ZFHX3: variants seen among roughly 807,000 people sequenced by gnomAD.
The protein encoded by ZFHX3 is zinc finger homeobox 3, also known as zinc finger homeobox protein 3.
ZFHX3 carries 42 observed loss-of-function variants against 279.1 expected under a neutral mutation model. That is an observed-to-expected ratio of 0.15 (90% confidence interval 0.12 to 0.19). The LOEUF (loss-of-function observed/expected upper bound fraction) is 0.19, where lower values mean the gene tolerates loss of function less well. Ranked by LOEUF, ZFHX3 falls within the 10% of genes least tolerant of loss-of-function variation. ZFHX3 has a pLI of 1.00. For synonymous variants in ZFHX3, 2,293 were observed against 1,957.8 expected, an observed-to-expected ratio of 1.17 and a Z score of -4.52; for missense variants, 4,981 against 4,754.0, an observed-to-expected ratio of 1.05 and a Z score of -1.40.
chr16:73,393,762 G>T (rs574819061), intron 3 of ZFHX3, among the ~76,000 whole-genome samples: 2 of 151,876 alleles, frequency 1.3e-5, no homozygotes, highest in African/African-American at 2.4e-5. Context: ...GTGGGTAAAA[G>T]CACTGTTTCA....
intron 6 of ZFHX3, among the ~76,000 whole-genome samples, chr16:73,136,132 A>T (rs1453161171): frequency 6.6e-6 from 1 of 152,194 alleles, no homozygotes; most frequent in Non-Finnish European, 1.5e-5. Flanking sequence ...CTGGGATTAC[A>T]GGCGTGATTA....
intron 1 of ZFHX3, among the ~76,000 whole-genome samples, chr16:73,807,036 T>G (rs1164409442): frequency 3.3e-5 from 5 of 152,124 alleles, no homozygotes; most frequent in Non-Finnish European, 7.3e-5. Flanking sequence ...AGAAAAACCA[T>G]AACTAAAAAT....
intron 2 of ZFHX3, among the ~76,000 whole-genome samples, chr16:73,577,324 C>G (rs2051810696): frequency 6.6e-6 from 1 of 152,100 alleles, no homozygotes; most frequent in South Asian, 2.1e-4. Context: ...TCCTGTAAAC[C>G]CTTTAAAATG....
chr16:73,275,462 G>T (rs1049357185), intron 4 of ZFHX3, among the ~76,000 whole-genome samples: 18 of 152,136 alleles, frequency 1.2e-4, no homozygotes, highest in African/African-American at 4.1e-4. Flanking sequence ...TTCACTAGGG[G>T]GTCTTTTGGA....
Position 73,347,470 on chromosome 16 carries a change from C to A in ZFHX3, c.-1290-29134G>T, listed in dbSNP as rs535592395. ...GACTCAGCCTGTTCCTCACCCATAA[C>A]CTCCTTGCCCAGTGGGTGTCTCTGC... On this transcript the variant is annotated intron_variant, in intron 3 of 17. Transcript: ENST00000641206. Among the ~76,000 whole-genome samples the A allele has an allele frequency of 2.0e-5, 3 of 152,342 alleles. No homozygotes were observed. In the South Asian group the frequency reaches 6.2e-4, roughly 32 times the overall value.
At chr16:73,057,535 CAAAAA>C (rs60945619) in intron 1 of ZFHX3, among the ~76,000 whole-genome samples, 1 of 125,274 alleles carries the variant, frequency 8.0e-6, no homozygotes, top group Non-Finnish European at 1.7e-5. Flanking sequence ...TTCGCGAGAG[CAAAAA>C]AAAAAAAAAA....
intron 2 of ZFHX3, among the ~76,000 whole-genome samples, chr16:73,485,745 C>T (rs1407391838): frequency 6.6e-6 from 1 of 152,208 alleles, no homozygotes; most frequent in Non-Finnish European, 1.5e-5. Flanking sequence ...CCATGTGACA[C>T]AGGTCTGCAC....
Position 73,055,677 on chromosome 16 carries a change from TACGCGCGCGC to T in ZFHX3, c.-24+2843_-24+2852del, listed in dbSNP as rs1220029736. 6.3e-3 allele frequency among the ~76,000 whole-genome samples: 572 copies of T among 91,362 alleles called. 3 individuals are homozygous for T. The highest frequency in any genetic ancestry group is 0.02 in the African/African-American group (469 of 23,192). The allele number at this position is 91,362 out of a possible 152,430, so 59.9% of individuals were successfully genotyped here. On this transcript the variant is annotated intron_variant, in intron 1 of 8. Coordinates refer to the ZFHX3 transcript ENST00000397992. ...TGAAGACACCCACACGGTGCAGACG[TACGCGCGCGC>T]GCGCGCGCGCGCACACACACACACA... is the stretch of plus-strand genomic sequence containing the variant.
At chr16:72,936,596 G>A (rs1960138365) in intron 3 of ZFHX3, among the ~76,000 whole-genome samples, 3 of 152,186 alleles carry the variant, frequency 2.0e-5, no homozygotes, top group African/African-American at 7.2e-5. Flanking sequence ...CAAAGGCCCT[G>A]TGGCAGGCGC....
chr16:73,389,203 A>C (rs908581799), intron 3 of ZFHX3: 1 of 152,026 alleles, frequency 6.6e-6, no homozygotes, highest in Non-Finnish European at 1.5e-5. Flanking sequence ...TATCACTCAT[A>C]AACTAAATCC....
intron 4 of ZFHX3, among the ~76,000 whole-genome samples, chr16:72,855,144 T>G (rs2037724680): frequency 6.6e-6 from 1 of 152,196 alleles, no homozygotes; most frequent in Admixed American, 6.5e-5. Context: ...TCTCCCAAAA[T>G]ATATTCTACA....
intron 5 of ZFHX3, 142 bp downstream of exon 5, chr16:72,829,637 C>T: frequency 1.2e-6 from 1 of 810,510 alleles, no homozygotes; most frequent in Non-Finnish European, 2.0e-6. Context: ...CGAAATCTCC[C>T]TCCCACTCAT....
chr16:73,429,463 G>C (rs2017872172), intron 3 of ZFHX3, among the ~76,000 whole-genome samples: 1 of 152,038 alleles, frequency 6.6e-6, no homozygotes, highest in South Asian at 2.1e-4. Context: ...CTCCTGAGTA[G>C]CTGGGATTAC....
intron 5 of ZFHX3, among the ~76,000 whole-genome samples, chr16:73,234,374 G>A (rs1456821176): frequency 6.6e-6 from 1 of 152,114 alleles, no homozygotes; most frequent in Non-Finnish European, 1.5e-5. Context: ...AGCCATGCGC[G>A]CCAGCCACTT....
chr16:72,839,592 C>T (rs534402508), intron 4 of ZFHX3, among the ~76,000 whole-genome samples: 2 of 151,862 alleles, frequency 1.3e-5, no homozygotes, highest in African/African-American at 4.8e-5. Context: ...AGAGAGGAAA[C>T]AGTAATGTCT....
chr16:72,951,275 T>TC (rs1293946028), intron 2 of ZFHX3, among the ~76,000 whole-genome samples: 8 of 152,144 alleles, frequency 5.3e-5, no homozygotes, highest in South Asian at 2.1e-4. Context: ...TTTTTTTTTT[T>TC]CCCGAGATGG....
At chr16:72,920,040 G>T (rs9934596) in intron 3 of ZFHX3, among the ~76,000 whole-genome samples, 4 of 151,584 alleles carry the variant, frequency 2.6e-5, no homozygotes, top group Non-Finnish European at 5.9e-5. Context: ...TGATTCACCC[G>T]CCTTGGCCTC....
At chr16:73,874,992 C>T (rs1451512729) in intron 1 of ZFHX3, among the ~76,000 whole-genome samples, 4 of 152,226 alleles carry the variant, frequency 2.6e-5, no homozygotes, top group South Asian at 4.1e-4. Context: ...CATTGAAGAA[C>T]GGTGAAGTCT....
intron 2 of ZFHX3, among the ~76,000 whole-genome samples, chr16:73,528,807 G>C (rs2019740556): frequency 6.6e-6 from 1 of 152,134 alleles, no homozygotes; most frequent in Non-Finnish European, 1.5e-5. Flanking sequence ...AGAGAACCAA[G>C]GTAACTGGCA....
Sources: gnomAD v4.1 joint callset for allele counts (sites outside exome capture counted in the v4.1 genomes callset) on GRCh38, gnomAD v4.1.1 for gene constraint, MANE v1.5 for transcripts, NCBI Gene and HGNC (gene_info 2026-07-23, HGNC 2026-07-21) for gene names.